The following OBP2B variants were observed in gnomAD, a reference collection of about 807,000 sequenced individuals.
OBP2B encodes odorant-binding protein 2b.
Under a neutral mutation model 21.7 loss-of-function variants are expected in OBP2B, and 10 were observed. That is an observed-to-expected ratio of 0.46 (90% CI 0.28 to 0.78). The LOEUF (loss-of-function observed/expected upper bound fraction) is 0.78. Ranked by LOEUF, OBP2B falls within the 30% of genes least tolerant of loss-of-function variation. The pLI is 0.11. For missense variants in OBP2B, 153 were observed against 217.7 expected (o/e 0.70, Z 1.87); for synonymous variants, 73 against 91.5 (o/e 0.80, Z 1.16).
In OBP2B at chr9:133,206,657, G is replaced by GAC. The variant is rs1469406890; in HGVS notation, c.389-242_389-241insGT. ...GGTGGGGCCGGGGACAGAAGAGATGGCCATAGCCCAGCACCGGACAAGCAG... is the reference window on the plus strand; with the variant it reads ...GGTGGGGCCGGGGACAGAAGAGATGGACCCATAGCCCAGCACCGGACAAGCAG... On this transcript the variant is annotated intron_variant, in intron 4 of 6. Coordinates refer to ENST00000372034, the MANE Select transcript of OBP2B (RefSeq NM_014581.4). Among the ~76,000 whole-genome samples the GAC allele has an allele frequency of 4.1e-3, 619 of 151,372 alleles. 3 individuals are homozygous for GAC. The highest frequency in any genetic ancestry group is 0.014 in the African/African-American group (596 of 41,170).
intron 1 of OBP2B, 34 bp from the exon 2 acceptor site, chr9:133,208,636 G>T: frequency 6.4e-7 from 1 of 1,563,658 alleles, no homozygotes; most frequent in South Asian, 1.2e-5. Flanking sequence ...CCCACCATGG[G>T]TGGCCCAGAT....
At chr9:133,206,591 C>T in intron 4 of OBP2B, 175 bp from the exon 5 acceptor site, 1 of 763,542 alleles carries the variant, frequency 1.3e-6, no homozygotes, top group East Asian at 2.7e-5. Context: ...TGCCCAGCAC[C>T]AGGACAAGGG....
the OBP2B span, among the ~76,000 whole-genome samples, chr9:133,221,079 T>A: frequency 3.3e-5 from 5 of 152,202 alleles, no homozygotes; most frequent in Admixed American, 6.5e-5. Context: ...GAATGAAGCA[T>A]CTGAAGTTGT....
In OBP2B at chr9:133,205,751, T is replaced by C. The variant is rs551764184; in HGVS notation, c.*1+166A>G. The C allele has an allele frequency of 2.5e-4, 247 of 985,416 alleles. No individual in the cohort carries two copies. The African/African-American group carries it at 3.5e-3, about 14-fold the overall frequency. 61.0% of individuals were successfully genotyped at this position (985,416 alleles called of 1,614,324 possible). ...GATAAAACAAAGGACTTCCCGAATG[T>C]CCCAGGAACTGTGGGTGGGCAGACT... is the stretch of plus-strand genomic sequence containing the variant. On this transcript the variant is annotated intron_variant, in intron 6 of 6. Transcript: ENST00000372034.
At chr9:133,219,853 CAAG>C in the OBP2B span, among the ~76,000 whole-genome samples, 1 of 152,104 alleles carries the variant, frequency 6.6e-6, no homozygotes, top group Non-Finnish European at 1.5e-5. Flanking sequence ...TTACAAAACC[CAAG>C]AAGTAGAAAC....
At chr9:133,212,028 C>T (rs375116842), upstream of OBP2B, among the ~76,000 whole-genome samples, 6 of 152,156 alleles carry the variant, frequency 3.9e-5, no homozygotes, top group South Asian at 8.3e-4. Context: ...AAACATTAAT[C>T]AAAAGAAAGC....
chr9:133,215,528 T>A, the OBP2B span, among the ~76,000 whole-genome samples: 1 of 151,944 alleles, frequency 6.6e-6, no homozygotes, highest in Non-Finnish European at 1.5e-5. Context: ...TTCTTCTTTC[T>A]TTTTTTTAGA....
chr9:133,205,887 T>A, intron 6 of OBP2B, 30 bp downstream of exon 6: 4 of 1,613,844 alleles, frequency 2.5e-6, no homozygotes, highest in Non-Finnish European at 3.4e-6. Context: ...ACTCTGGGCT[T>A]GTCCAGTGCC....
upstream of OBP2B, among the ~76,000 whole-genome samples, chr9:133,213,080 T>C (rs1833934877): frequency 6.6e-6 from 1 of 151,408 alleles, no homozygotes; most frequent in Non-Finnish European, 1.5e-5. Context: ...CAAAAATAAA[T>C]AAATAAATAA....
chr9:133,214,259 C>G, the OBP2B span, among the ~76,000 whole-genome samples: 7 of 152,210 alleles, frequency 4.6e-5, no homozygotes, highest in Non-Finnish European at 7.3e-5. Context: ...CATCATTTCT[C>G]ATGGTGAAAG....
At chr9:133,214,647 C>CAAAATTGGCCCCTGG in the OBP2B span, among the ~76,000 whole-genome samples, 1 of 152,174 alleles carries the variant, frequency 6.6e-6, no homozygotes, top group Non-Finnish European at 1.5e-5. Context: ...TGGTTTGTTT[C>CAAAATTGGCCCCTGG]AAAATTGGCC....
chr9:133,217,115 A>G, the OBP2B span, among the ~76,000 whole-genome samples: 12 of 152,212 alleles, frequency 7.9e-5, no homozygotes, highest in South Asian at 2.1e-4. Context: ...ATTTCCATCA[A>G]AATAACAATG....
chr9:133,209,225 CGGCAG>C lies in OBP2B; in HGVS notation c.-31_-27del. 6.4e-7 allele frequency: 1 copy of C among 1,568,934 alleles called. No homozygotes were observed. The highest frequency in any genetic ancestry group is 8.7e-7 in the Non-Finnish European group (1 of 1,153,822). ...CTCCAGAGCTCTGTGCTGCCGACCT[CGGCAG>C]GTCACTGGGCGTCTGAACAAGGCTG... On this transcript the variant is annotated 5_prime_UTR_variant, in exon 1 of 7. Coordinates refer to ENST00000372034, the MANE Select transcript of OBP2B (RefSeq NM_014581.4). This position sits in a 1 kb window ranked among gnomAD's most constrained non-coding sequence, Gnocchi z 6.0.
At chr9:133,206,569 G>T in intron 4 of OBP2B, 153 bp from the exon 5 acceptor site, 1 of 925,712 alleles carries the variant, frequency 1.1e-6, no homozygotes, top group Non-Finnish European at 1.6e-6. Context: ...TGGGGACAGA[G>T]GAGATGGCCA....
At chr9:133,217,975 C>A in the OBP2B span, among the ~76,000 whole-genome samples, 1 of 152,228 alleles carries the variant, frequency 6.6e-6, no homozygotes, top group African/African-American at 2.4e-5. Context: ...GTCTCTGGAT[C>A]CTGATGGGTC....
At chr9:133,219,374 AGAGTC>A in the OBP2B span, among the ~76,000 whole-genome samples, 1 of 152,282 alleles carries the variant, frequency 6.6e-6, no homozygotes. Flanking sequence ...ATATCTGACA[AGAGTC>A]GAGTCTAGTA....
At chr9:133,214,856 G>C in the OBP2B span, among the ~76,000 whole-genome samples, 4 of 152,208 alleles carry the variant, frequency 2.6e-5, no homozygotes, top group Non-Finnish European at 5.9e-5. Flanking sequence ...ACAAGGCAAG[G>C]ATGTCCACTT....
chr9:133,221,736 A>C, the OBP2B span, among the ~76,000 whole-genome samples: 1 of 152,044 alleles, frequency 6.6e-6, no homozygotes, highest in Non-Finnish European at 1.5e-5. Context: ...TGAAAATCAG[A>C]CTCCATATTT....
intron 3 of OBP2B, 115 bp downstream of exon 3, chr9:133,208,018 G>A: frequency 6.6e-6 from 10 of 1,504,024 alleles, no homozygotes; most frequent in Non-Finnish European, 8.1e-6. Context: ...CCTTGGAGGT[G>A]GGCAGAGCTG....
Sources: allele counts gnomAD v4.1 joint callset (sites outside exome capture counted in the v4.1 genomes callset), GRCh38; gene constraint gnomAD v4.1.1; non-coding constraint Gnocchi (gnomAD v3.1); transcripts MANE v1.5; gene names NCBI Gene and HGNC (gene_info 2026-07-23, HGNC 2026-07-21).